APBA1: variants seen among roughly 807,000 people sequenced by gnomAD.
The protein encoded by APBA1 is amyloid beta precursor protein binding family A member 1, also known as amyloid-beta A4 precursor protein-binding family A member 1.
In APBA1, 55 loss-of-function variants were observed where a neutral mutation model predicts 86.6. The observed-to-expected ratio is 0.64, with a 90% CI of 0.51 to 0.80. The LOEUF (loss-of-function observed/expected upper bound fraction) is 0.80. APBA1 is among the 30% of genes least tolerant of loss of function. The pLI is 0.00. For synonymous variants in APBA1, 511 were observed against 493.9 expected, an observed-to-expected ratio of 1.03 and a Z score of -0.46; for missense variants, 1,090 against 1,183.0, an observed-to-expected ratio of 0.92 and a Z score of 1.15.
chr9:69,433,741 A>G (rs149787816), intron 11 of APBA1, among the ~76,000 whole-genome samples: 59 of 152,194 alleles, frequency 3.9e-4, no homozygotes, highest in Middle Eastern at 3.4e-3. Context: ...TTCAACTCCA[A>G]ATGGGAAGTT....
intron 1 of APBA1, among the ~76,000 whole-genome samples, chr9:69,607,521 T>C (rs1001717647): frequency 1.3e-5 from 2 of 152,204 alleles, no homozygotes; most frequent in African/African-American, 4.8e-5. Context: ...GACTGGCAGA[T>C]TAGCACATTT....
At chr9:69,431,907 G>A (rs771217601) in intron 12 of APBA1, among the ~76,000 whole-genome samples, 1 of 152,184 alleles carries the variant, frequency 6.6e-6, no homozygotes, top group African/African-American at 2.4e-5. Flanking sequence ...ACTGACAGCA[G>A]TGGTAACTGA....
intron 11 of APBA1, among the ~76,000 whole-genome samples, chr9:69,439,311 T>G (rs1186849675): frequency 2.0e-5 from 3 of 148,026 alleles, no homozygotes; most frequent in Non-Finnish European, 4.4e-5. Flanking sequence ...TTTCCTGAAT[T>G]TGAATGTTGG....
At chr9:69,642,441 G>C (rs1823305922) in intron 1 of APBA1, among the ~76,000 whole-genome samples, 1 of 152,108 alleles carries the variant, frequency 6.6e-6, no homozygotes, top group Admixed American at 6.6e-5. Flanking sequence ...AAACTAAAAA[G>C]CCTGAAAATT....
intron 1 of APBA1, among the ~76,000 whole-genome samples, chr9:69,660,815 G>C (rs1422148251): frequency 6.6e-6 from 1 of 152,156 alleles, no homozygotes; most frequent in Non-Finnish European, 1.5e-5. Flanking sequence ...TCAGTGTTAA[G>C]GGAGATGAAA....
chr9:69,578,968 G>A (rs1039237411), intron 1 of APBA1, among the ~76,000 whole-genome samples: 1 of 152,130 alleles, frequency 6.6e-6, no homozygotes, highest in Non-Finnish European at 1.5e-5. Context: ...CTGCACTACA[G>A]GAAGCCATTC....
At chr9:69,490,495 A>AAG (rs1282338222) in intron 2 of APBA1, among the ~76,000 whole-genome samples, 2 of 151,992 alleles carry the variant, frequency 1.3e-5, no homozygotes, top group East Asian at 3.9e-4. Flanking sequence ...TTTTTAAAAA[A>AAG]AAGCCCTAGA....
intron 2 of APBA1, among the ~76,000 whole-genome samples, chr9:69,499,807 A>G (rs1438887326): frequency 6.6e-6 from 1 of 151,918 alleles, no homozygotes; most frequent in Non-Finnish European, 1.5e-5. Flanking sequence ...AAAAAAAAAA[A>G]GTGGATGTAA....
In APBA1 at chr9:69,569,321, TGA is replaced by T. The variant is rs538236544; in HGVS notation, c.-69-52044_-69-52043del. On this transcript the variant is annotated intron_variant, in intron 1 of 12. Coordinates refer to ENST00000265381, the MANE Select transcript of APBA1 (RefSeq NM_001163.4). ...CCAAACAGAATTTGCCAAAGCTATT[TGA>T]GAGAGTGTGTGAGAATGTCTTGTAT... is the stretch of plus-strand genomic sequence containing the variant. 1.3e-3 allele frequency among the ~76,000 whole-genome samples: 194 copies of T among 152,332 alleles called. 1 individual carries two copies. Among genetic ancestry groups the T allele is most frequent in the African/African-American group, 4.5e-3 (186 of 41,580 alleles).
At chr9:69,489,246 A>C (rs925182379) in intron 2 of APBA1, among the ~76,000 whole-genome samples, 41 of 152,102 alleles carry the variant, frequency 2.7e-4, no homozygotes, top group Non-Finnish European at 4.3e-4. Context: ...AGGCTACAGT[A>C]ACCAAAACAG....
intron 1 of APBA1, among the ~76,000 whole-genome samples, chr9:69,648,806 T>C (rs182981409): frequency 1.1e-4 from 17 of 152,246 alleles, no homozygotes; most frequent in Non-Finnish European, 5.9e-5. Context: ...TAATCTCTCA[T>C]CCAGAACTCC....
intron 1 of APBA1, among the ~76,000 whole-genome samples, chr9:69,545,788 G>A (rs552617993): frequency 1.3e-5 from 2 of 152,182 alleles, no homozygotes; most frequent in African/African-American, 4.8e-5. Context: ...TCTCATTTTG[G>A]CTCAGATGTG....
At chr9:69,505,375 G>A (rs1432603426) in intron 2 of APBA1, among the ~76,000 whole-genome samples, 1 of 152,080 alleles carries the variant, frequency 6.6e-6, no homozygotes, top group African/African-American at 2.4e-5. Context: ...TCTAGAGGAT[G>A]AGGAAGTGCA....
At chr9:69,575,092 T>C (rs1821759907) in intron 1 of APBA1, among the ~76,000 whole-genome samples, 5 of 152,028 alleles carry the variant, frequency 3.3e-5, no homozygotes, top group Admixed American at 2.6e-4. Flanking sequence ...AATTTTTGTA[T>C]TTTTTTGTAG....
intron 12 of APBA1, among the ~76,000 whole-genome samples, chr9:69,431,858 T>TTGAC (rs1834602330): frequency 6.6e-6 from 1 of 151,450 alleles, no homozygotes; most frequent in African/African-American, 2.4e-5. Context: ...GACAGCAGTG[T>TTGAC]TGACTGACAG....
At chr9:69,609,087 T>C (rs1822530370) in intron 1 of APBA1, among the ~76,000 whole-genome samples, 2 of 152,182 alleles carry the variant, frequency 1.3e-5, no homozygotes, top group Admixed American at 1.3e-4. Flanking sequence ...AGATGTCAAT[T>C]CTACTTATTC....
intron 2 of APBA1, among the ~76,000 whole-genome samples, chr9:69,498,363 C>A (rs558377793): frequency 3.3e-4 from 50 of 152,180 alleles, no homozygotes; most frequent in African/African-American, 1.2e-3. Context: ...GAGATGACTG[C>A]AGGCCACCTG....
chr9:69,641,076 T>C (rs1439719487), intron 1 of APBA1, among the ~76,000 whole-genome samples: 1 of 152,060 alleles, frequency 6.6e-6, no homozygotes, highest in Non-Finnish European at 1.5e-5. Context: ...CCGAGGAATA[T>C]ACCAAAGTGA....
chr9:69,531,596 C>A (rs928959140), intron 1 of APBA1, among the ~76,000 whole-genome samples: 3 of 152,192 alleles, frequency 2.0e-5, no homozygotes, highest in Admixed American at 6.5e-5. Context: ...CACAGACAAT[C>A]CTCAGTTGCA....
Sources: gnomAD v4.1 joint callset for allele counts (sites outside exome capture counted in the v4.1 genomes callset) on GRCh38, gnomAD v4.1.1 for gene constraint, MANE v1.5 for transcripts, NCBI Gene and HGNC (gene_info 2026-07-23, HGNC 2026-07-21) for gene names.